The following VPS13C variants were observed in gnomAD, a reference collection of about 807,000 sequenced individuals.
VPS13C encodes the protein intermembrane lipid transfer protein VPS13C.
In VPS13C, 358 loss-of-function variants were observed where a neutral mutation model predicts 456.8. That is an observed-to-expected ratio of 0.78 (90% CI 0.72 to 0.86). VPS13C has a LOEUF of 0.86. VPS13C is among the 40% of genes least tolerant of loss of function. The pLI is 0.00. For missense variants in VPS13C, 4,818 were observed against 4,385.4 expected (o/e 1.10, Z -2.79); for synonymous variants, 1,578 against 1,486.7 (o/e 1.06, Z -1.41).
chr15:61,930,380 T>C (rs759240343), intron 50 of VPS13C, among the ~76,000 whole-genome samples: 1 of 152,136 alleles, frequency 6.6e-6, no homozygotes, highest in Non-Finnish European at 1.5e-5. Flanking sequence ...CTAGAAAAGC[T>C]GGGTGCATGA....
rs570628051 is a variant in VPS13C at position 61,992,874 on chromosome 15, A to AT, written c.1354-1073dup. ...GTGGGTTCTCTCTCAAGAAAGAGGT[A>AT]TTTTTTTTTTAATTCCCCTGGTGAT... On this transcript the variant is annotated intron_variant, in intron 16 of 84. Transcript: ENST00000644861. 9.3e-4 allele frequency among the ~76,000 whole-genome samples: 139 copies of AT among 149,760 alleles called. 2 individuals carry two copies. Among genetic ancestry groups the AT allele is most frequent in the South Asian group, 8.9e-3 (42 of 4,702 alleles).
intron 45 of VPS13C, 129 bp from the exon 46 acceptor site, chr15:61,942,196 T>C (rs181823270): frequency 2.4e-6 from 2 of 827,160 alleles, no homozygotes; most frequent in Non-Finnish European, 1.8e-6. Flanking sequence ...ATTTTGTGTA[T>C]GTAGAGAGTG....
intron 36 of VPS13C, among the ~76,000 whole-genome samples, chr15:61,958,943 G>C (rs2045102129): frequency 6.6e-6 from 1 of 151,896 alleles, no homozygotes; most frequent in Non-Finnish European, 1.5e-5. Flanking sequence ...TAATTTATCA[G>C]TCAGTATTGG....
intron 81 of VPS13C, chr15:61,865,625 CATATGGGTATATTTGTATGTGTGT>C: frequency 2.2e-6 from 1 of 460,528 alleles, no homozygotes; most frequent in Non-Finnish European, 2.8e-6. Flanking sequence ...TGTATGTGTA[CATATGGGTATATTTGTATGTGTGT>C]ATATATATGT....
At chr15:61,964,614 G>T in intron 31 of VPS13C, 85 bp downstream of exon 31, 1 of 1,274,956 alleles carries the variant, frequency 7.8e-7, no homozygotes, top group Non-Finnish European at 1.1e-6. Context: ...TTAAATGACT[G>T]AGTCAGATAG....
At chr15:62,058,033 T>C (rs1406999677) in intron 1 of VPS13C, among the ~76,000 whole-genome samples, 7 of 152,222 alleles carry the variant, frequency 4.6e-5, no homozygotes, top group Non-Finnish European at 1.5e-5. Context: ...CATTGAAATA[T>C]GAGTAATTAC....
intron 18 of VPS13C, among the ~76,000 whole-genome samples, chr15:61,985,546 C>A (rs1037563661): frequency 9.2e-5 from 14 of 152,266 alleles, no homozygotes; most frequent in African/African-American, 3.4e-4. Flanking sequence ...CGTGAGCCAC[C>A]GTACCCAGCC....
chr15:61,995,586 T>C lies in VPS13C; in HGVS notation c.1354-3784A>G, dbSNP rs574323418. ...TTTGAAGAAGAAAGCTGCCATGTTATGGTTGTCTATGTTGGGAAGCCCATT... is the reference window on the plus strand; with the variant it reads ...TTTGAAGAAGAAAGCTGCCATGTTACGGTTGTCTATGTTGGGAAGCCCATT... On this transcript the variant is annotated intron_variant, in intron 16 of 84. Transcript: ENST00000644861. Among the ~76,000 whole-genome samples the C allele has an allele frequency of 1.4e-4, 22 of 152,338 alleles. No individual in the cohort carries two copies. In the South Asian group the frequency reaches 4.1e-3, roughly 29 times the overall value.
At position 61,936,648 on chromosome 15, in the gene VPS13C, T is replaced by A; in HGVS notation, c.5704A>T (p.Thr1902Ser). ...ACATCAACTTTTCTCACTCTTACAG[T>A]CTCCTGCACAGACTGTGTAGGGCTT... ...QPSPTQSVQE[T>S]VRVRKVDVSS... The change falls in exon 48 of 85, where the codon ACT becomes TCT. Residue 1902 changes from threonine to serine, a missense_variant. This residue lies in a region of VPS13C where 4,552 missense variants were observed against 4,130.6 expected (regional missense o/e 1.10). Coordinates refer to ENST00000644861, the MANE Select transcript of VPS13C (RefSeq NM_020821.3). The A allele has an allele frequency of 6.3e-7, 1 of 1,596,332 alleles. No individual in the cohort carries two copies. Among genetic ancestry groups the A allele is most frequent in the Non-Finnish European group, 8.5e-7 (1 of 1,173,558 alleles).
At chr15:61,962,248 G>T in intron 34 of VPS13C, 123 bp downstream of exon 34, 1 of 834,122 alleles carries the variant, frequency 1.2e-6, no homozygotes, top group African/African-American at 1.8e-5. Context: ...CTACATTCAC[G>T]CATAAATATA....
At chr15:61,940,300 T>C (rs192766600) in intron 47 of VPS13C, among the ~76,000 whole-genome samples, 1 of 152,188 alleles carries the variant, frequency 6.6e-6, no homozygotes, top group Non-Finnish European at 1.5e-5. Flanking sequence ...AAGAATAATA[T>C]TTTTAGTACA....
chr15:61,895,178 C>T (rs2042770009), intron 66 of VPS13C, among the ~76,000 whole-genome samples: 1 of 151,850 alleles, frequency 6.6e-6, no homozygotes, highest in Non-Finnish European at 1.5e-5. Context: ...AATGGAAACA[C>T]AATATATCAA....
At chr15:62,001,091 G>T (rs181720721) in intron 15 of VPS13C, among the ~76,000 whole-genome samples, 2 of 152,148 alleles carry the variant, frequency 1.3e-5, no homozygotes, top group Admixed American at 6.5e-5. Flanking sequence ...CTGATTTGAG[G>T]CATTTATATA....
intron 66 of VPS13C, 186 bp downstream of exon 66, chr15:61,907,078 A>G (rs1198698703): frequency 3.0e-6 from 2 of 656,602 alleles, no homozygotes; most frequent in Non-Finnish European, 5.0e-6. Flanking sequence ...AATTACTTTG[A>G]TAGAGCTAAG....
intron 1 of VPS13C, among the ~76,000 whole-genome samples, chr15:62,057,109 A>G (rs1037968408): frequency 5.3e-5 from 8 of 152,072 alleles, no homozygotes; most frequent in African/African-American, 1.9e-4. Flanking sequence ...GTCGCCGCAC[A>G]CAGGGAGAGA....
chr15:62,000,238 C>T (rs180755400), intron 16 of VPS13C, among the ~76,000 whole-genome samples: 4 of 152,146 alleles, frequency 2.6e-5, no homozygotes, highest in Non-Finnish European at 5.9e-5. Context: ...TGGTGGCACA[C>T]GCCTATGATC....
chr15:61,869,184 C>T (rs1226991039), intron 80 of VPS13C, among the ~76,000 whole-genome samples: 2 of 144,666 alleles, frequency 1.4e-5, no homozygotes, highest in Non-Finnish European at 1.5e-5. Context: ...GTGGCACGAT[C>T]TCAGCTCACT....
intron 76 of VPS13C, among the ~76,000 whole-genome samples, chr15:61,875,332 TC>T (rs1357864783): frequency 6.6e-6 from 1 of 152,068 alleles, no homozygotes; most frequent in African/African-American, 2.4e-5. Context: ...TGCTTTATTC[TC>T]CGAAAACCCT....
rs781216465 is a variant in VPS13C, at chr15:61,927,358, G to GA, written c.6287-39_6287-38insT. On this transcript the variant is annotated intron_variant, in intron 51 of 84. Coordinates refer to ENST00000644861, the MANE Select transcript of VPS13C (RefSeq NM_020821.3). Reference sequence around the variant, plus strand: ...GCAACAGGAACCAGAAAAGTTTAAGGTAAGTCTTTTCATTTGACTACATGT... The same window carrying GA: ...GCAACAGGAACCAGAAAAGTTTAAGGATAAGTCTTTTCATTTGACTACATGT... 7.7e-6 allele frequency: 12 copies of GA among 1,548,876 alleles called. No individual in the cohort carries two copies. The South Asian group carries it at 1.4e-4, about 18-fold the overall frequency.
Sources: allele counts gnomAD v4.1 joint callset (sites outside exome capture counted in the v4.1 genomes callset), GRCh38; gene constraint gnomAD v4.1.1; regional missense constraint gnomAD v4.1.1; transcripts MANE v1.5; gene names NCBI Gene and HGNC (gene_info 2026-07-23, HGNC 2026-07-21).